CELF2: variants seen among roughly 807,000 people sequenced by gnomAD.
The protein encoded by CELF2 is CUGBP Elav-like family member 2.
CELF2 carries 8 observed loss-of-function variants against 62.6 expected under a neutral mutation model. The observed-to-expected ratio is 0.13, with a 90% CI of 0.07 to 0.23. The LOEUF is 0.23. Among genes scored for constraint, CELF2 ranks in the 10% least tolerant of loss-of-function variants. The pLI is 1.00. For missense variants in CELF2, 333 were observed against 671.0 expected (o/e 0.50, Z 5.56); for synonymous variants, 258 against 250.0 (o/e 1.03, Z -0.30).
the CELF2 span, among the ~76,000 whole-genome samples, chr10:10,563,636 G>A: frequency 6.6e-6 from 1 of 151,802 alleles, no homozygotes; most frequent in South Asian, 2.1e-4. Context: ...AAGGGCAAGG[G>A]GAAGATAGAG....
At chr10:11,127,009 C>G (rs1029640652) in intron 1 of CELF2, among the ~76,000 whole-genome samples, 2 of 151,936 alleles carry the variant, frequency 1.3e-5, no homozygotes, top group African/African-American at 4.8e-5. Context: ...CACTCATCAT[C>G]TATATTAGGT....
At chr10:10,512,977 C>G in the CELF2 span, among the ~76,000 whole-genome samples, 1 of 152,176 alleles carries the variant, frequency 6.6e-6, no homozygotes, top group East Asian at 1.9e-4. Flanking sequence ...GTCAAGGCCC[C>G]ACAGTTCACT....
chr10:10,749,089 T>C, the CELF2 span, among the ~76,000 whole-genome samples: 4 of 152,224 alleles, frequency 2.6e-5, no homozygotes, highest in Non-Finnish European at 5.9e-5. Context: ...GAGTTCACTG[T>C]ATGAATGTGT....
intron 1 of CELF2, among the ~76,000 whole-genome samples, chr10:11,148,618 C>T (rs1454225759): frequency 6.6e-6 from 1 of 152,140 alleles, no homozygotes; most frequent in Admixed American, 6.5e-5. Context: ...TCTTGAGATG[C>T]CTGGCTTCCT....
chr10:11,119,392 G>T (rs1296111201), intron 1 of CELF2, among the ~76,000 whole-genome samples: 1 of 152,052 alleles, frequency 6.6e-6, no homozygotes, highest in Non-Finnish European at 1.5e-5. Flanking sequence ...GGAGTGCCCT[G>T]GGATTCAGGA....
chr10:11,295,667 G>A (rs1247420440), intron 9 of CELF2, among the ~76,000 whole-genome samples: 2 of 152,186 alleles, frequency 1.3e-5, no homozygotes, highest in African/African-American at 4.8e-5. Flanking sequence ...GGGCTGCTCT[G>A]TGGCTTCTCC....
intron 1 of CELF2, among the ~76,000 whole-genome samples, chr10:11,084,824 G>C (rs1278787348): frequency 6.6e-6 from 1 of 152,062 alleles, no homozygotes; most frequent in Non-Finnish European, 1.5e-5. Context: ...AGAGAATACA[G>C]ACCCCGCAAC....
chr10:11,148,454 G>A (rs2062677870), intron 1 of CELF2, among the ~76,000 whole-genome samples: 1 of 152,176 alleles, frequency 6.6e-6, no homozygotes, highest in Non-Finnish European at 1.5e-5. Flanking sequence ...TAGAAATACA[G>A]GGCTGTAAAT....
chr10:10,986,291 T>G (rs991912319), intron 2 of CELF2, among the ~76,000 whole-genome samples: 2 of 152,142 alleles, frequency 1.3e-5, no homozygotes, highest in Non-Finnish European at 2.9e-5. Flanking sequence ...AAAATACCAA[T>G]AGAGATTTTT....
At chr10:11,259,999 C>T (rs2080009311) in intron 5 of CELF2, among the ~76,000 whole-genome samples, 1 of 152,296 alleles carries the variant, frequency 6.6e-6, no homozygotes, top group African/African-American at 2.4e-5. Flanking sequence ...AGAAACGGCA[C>T]AAGGAGAGCC....
At chr10:10,865,956 C>T (rs1223674421) in intron 1 of CELF2, among the ~76,000 whole-genome samples, 1 of 151,976 alleles carries the variant, frequency 6.6e-6, no homozygotes, top group Non-Finnish European at 1.5e-5. Context: ...GCACCATTTC[C>T]AGTGACAGTG....
At position 11,315,680 on chromosome 10, in the gene CELF2, C is replaced by T. The variant is rs564870385; in HGVS notation, c.1096+1422C>T. Among the ~76,000 whole-genome samples the T allele has an allele frequency of 6.6e-5, 10 of 152,248 alleles. No homozygotes were observed. The South Asian group carries it at 1.4e-3, about 22-fold the overall frequency. On this transcript the variant is annotated intron_variant, in intron 10 of 12. Transcript: ENST00000633077. The surrounding 1 kb of genome is among the most constrained non-coding windows in gnomAD (Gnocchi z 5.8). ...GACGGCTCGTGATTAGCGTGGAGCC[C>T]GTGAAGTGGTAGCTGTGCCGCGGCC...
In CELF2 at chr10:11,197,032, A is replaced by G. The variant is rs59951463; in HGVS notation, c.272-20393A>G. On this transcript the variant is annotated intron_variant, in intron 2 of 12. Transcript: ENST00000633077. ...AGAAAGAAAGAAAGAAAGAAAAGAAAGAAAGAAAGAAAGAAAGAAAGAAAG... is the reference window on the plus strand; with the variant it reads ...AGAAAGAAAGAAAGAAAGAAAAGAAGGAAAGAAAGAAAGAAAGAAAGAAAG... 7.3e-3 allele frequency among the ~76,000 whole-genome samples: 113 copies of G among 15,558 alleles called. 15 individuals are homozygous for G. The highest frequency in any genetic ancestry group is 0.044 in the African/African-American group (98 of 2,222). 10.2% of individuals were successfully genotyped at this position (15,558 alleles called of 152,430 possible).
intron 2 of CELF2, among the ~76,000 whole-genome samples, chr10:10,944,891 C>A (rs1169939642): frequency 6.6e-6 from 1 of 152,152 alleles, no homozygotes; most frequent in Non-Finnish European, 1.5e-5. Flanking sequence ...GCATGAGTCC[C>A]TGCATCCAGC....
At chr10:10,709,174 G>C in the CELF2 span, among the ~76,000 whole-genome samples, 1 of 152,154 alleles carries the variant, frequency 6.6e-6, no homozygotes, top group Non-Finnish European at 1.5e-5. Flanking sequence ...TTAAAATAAT[G>C]TATCTGTTTG....
intron 2 of CELF2, among the ~76,000 whole-genome samples, chr10:11,202,414 G>A (rs944400471): frequency 1.3e-5 from 2 of 152,214 alleles, no homozygotes; most frequent in Non-Finnish European, 2.9e-5. Context: ...GGTTTCGGAA[G>A]CTGCAGTGAG....
chr10:10,522,222 C>T, the CELF2 span, among the ~76,000 whole-genome samples: 1 of 152,180 alleles, frequency 6.6e-6, no homozygotes, highest in Non-Finnish European at 1.5e-5. Context: ...TGGAGTAATT[C>T]TTCCTGTTAT....
At chr10:11,050,817 G>A (rs2063783272) in intron 1 of CELF2, among the ~76,000 whole-genome samples, 1 of 152,126 alleles carries the variant, frequency 6.6e-6, no homozygotes, top group African/African-American at 2.4e-5. Context: ...GCCCTTCCCT[G>A]CCTTGCATGC....
chr10:11,135,146 A>C (rs992625936), intron 1 of CELF2, among the ~76,000 whole-genome samples: 1 of 152,192 alleles, frequency 6.6e-6, no homozygotes, highest in African/African-American at 2.4e-5. Flanking sequence ...TTTCCTCCTG[A>C]GAAGTCTCTG....
Sources: allele counts gnomAD v4.1 joint callset (sites outside exome capture counted in the v4.1 genomes callset), GRCh38; gene constraint gnomAD v4.1.1; non-coding constraint Gnocchi (gnomAD v3.1); transcripts MANE v1.5; gene names NCBI Gene and HGNC (gene_info 2026-07-23, HGNC 2026-07-21).